The following NRG3 variants were observed in gnomAD, a reference collection of about 807,000 sequenced individuals.
The protein encoded by NRG3 is neuregulin 3.
NRG3 carries 31 observed loss-of-function variants against 66.9 expected under a neutral mutation model. The observed-to-expected ratio is 0.46, with a 90% CI of 0.35 to 0.63. The LOEUF is 0.63. Among genes scored for constraint, NRG3 ranks in the 20% least tolerant of loss-of-function variants. The pLI, the probability that NRG3 is intolerant of heterozygous loss-of-function variation, is 0.00. For synonymous variants in NRG3, 393 were observed against 359.4 expected, an observed-to-expected ratio of 1.09 and a Z score of -1.06; for missense variants, 910 against 878.9, an observed-to-expected ratio of 1.04 and a Z score of -0.45.
intron 1 of NRG3, among the ~76,000 whole-genome samples, chr10:82,217,319 AAC>A (rs2075738187): frequency 6.6e-6 from 1 of 152,152 alleles, no homozygotes; most frequent in African/African-American, 2.4e-5. Flanking sequence ...CATCGCTCTT[AAC>A]ACACTTCTTA....
rs28723648 is a variant in NRG3, at chr10:82,951,798, G to A, written c.1157+227G>A. Among the ~76,000 whole-genome samples, 799 of 152,208 alleles carry A rather than the reference G, an allele frequency of 5.2e-3. 10 individuals are homozygous for A. The highest frequency in any genetic ancestry group is 0.018 in the African/African-American group (756 of 41,534). On this transcript the variant is annotated intron_variant, in intron 5 of 8. Transcript: ENST00000372141. ...ACACATGTGTGCGCGGTTTATCTACGATGCACATAATGATCATTCCTCTCA... is the reference window on the plus strand; with the variant it reads ...ACACATGTGTGCGCGGTTTATCTACAATGCACATAATGATCATTCCTCTCA...
intron 1 of NRG3, among the ~76,000 whole-genome samples, chr10:81,903,856 C>T (rs1420238804): frequency 6.6e-6 from 1 of 152,018 alleles, no homozygotes; most frequent in East Asian, 1.9e-4. Context: ...AACACTGAGC[C>T]CTCACTCTAA....
At chr10:82,734,035 G>A (rs1311108261) in intron 2 of NRG3, among the ~76,000 whole-genome samples, 4 of 152,144 alleles carry the variant, frequency 2.6e-5, no homozygotes, top group Non-Finnish European at 5.9e-5. Context: ...CTTCCTTAGG[G>A]TCCTCCACAT....
intron 2 of NRG3, among the ~76,000 whole-genome samples, chr10:82,429,286 C>G (rs181332121): frequency 1.3e-5 from 2 of 152,140 alleles, no homozygotes; most frequent in East Asian, 3.9e-4. Context: ...TACCTATGTA[C>G]TTTAACTAGT....
chr10:82,899,886 TTAA>T (rs1844043215), intron 4 of NRG3, among the ~76,000 whole-genome samples: 1 of 152,204 alleles, frequency 6.6e-6, no homozygotes, highest in African/African-American at 2.4e-5. Flanking sequence ...GAAATTAAAG[TTAA>T]TAACTAAAGA....
At chr10:82,622,978 T>G (rs2049141372) in intron 2 of NRG3, among the ~76,000 whole-genome samples, 1 of 152,140 alleles carries the variant, frequency 6.6e-6, no homozygotes, top group Admixed American at 6.5e-5. Flanking sequence ...ATGGGTTTTT[T>G]TTTTTCAGGA....
chr10:82,215,639 ATTTGC>A (rs2075626278), intron 1 of NRG3, among the ~76,000 whole-genome samples: 1 of 151,804 alleles, frequency 6.6e-6, no homozygotes, highest in South Asian at 2.1e-4. Flanking sequence ...TGAAGCAGGC[ATTTGC>A]TTTCCAGTAT....
chr10:82,534,812 C>A (rs1053062715), intron 2 of NRG3, among the ~76,000 whole-genome samples: 3 of 151,906 alleles, frequency 2.0e-5, no homozygotes, highest in Admixed American at 2.0e-4. Context: ...TAAAAATACA[C>A]AATGGAGAAA....
intron 4 of NRG3, among the ~76,000 whole-genome samples, chr10:82,945,154 A>G (rs1424251181): frequency 6.6e-6 from 1 of 152,210 alleles, no homozygotes; most frequent in Non-Finnish European, 1.5e-5. Flanking sequence ...AATTGCCATC[A>G]GCACCAAATG....
chr10:82,136,890 C>CAGAA (rs2069403018), intron 1 of NRG3, among the ~76,000 whole-genome samples: 1 of 151,998 alleles, frequency 6.6e-6, no homozygotes, highest in Non-Finnish European at 1.5e-5. Flanking sequence ...TGTACTCTTT[C>CAGAA]AAACACATAG....
At chr10:82,545,902 C>T (rs1473289835) in intron 2 of NRG3, among the ~76,000 whole-genome samples, 1 of 151,018 alleles carries the variant, frequency 6.6e-6, no homozygotes. Flanking sequence ...ATTCTCCTGC[C>T]TCAGCCTCCA....
chr10:81,926,802 C>A (rs11191824), intron 1 of NRG3, among the ~76,000 whole-genome samples: 1 of 152,060 alleles, frequency 6.6e-6, no homozygotes, highest in African/African-American at 2.4e-5. Context: ...AGTTTTAATC[C>A]GTAGATGTAC....
chr10:82,586,139 G>A (rs776592685), intron 2 of NRG3, among the ~76,000 whole-genome samples: 2 of 151,792 alleles, frequency 1.3e-5, no homozygotes. Context: ...CACTATCTGG[G>A]TGACAGGATC....
intron 1 of NRG3, among the ~76,000 whole-genome samples, chr10:82,291,380 G>A (rs2079738142): frequency 6.6e-6 from 1 of 152,160 alleles, no homozygotes; most frequent in Non-Finnish European, 1.5e-5. Flanking sequence ...TGGTGTTCAT[G>A]TACTGGAAGT....
intron 1 of NRG3, among the ~76,000 whole-genome samples, chr10:82,316,476 G>T (rs561140884): frequency 1.3e-5 from 2 of 152,108 alleles, no homozygotes; most frequent in Non-Finnish European, 2.9e-5. Context: ...AAATTCAGTA[G>T]CTGCTGCTTT....
At chr10:82,466,403 G>T (rs1260596365) in intron 2 of NRG3, among the ~76,000 whole-genome samples, 1 of 152,146 alleles carries the variant, frequency 6.6e-6, no homozygotes. Flanking sequence ...GATGGATTAT[G>T]TTGGGTGGAA....
At chr10:82,799,643 T>C (rs1166380994) in intron 3 of NRG3, 1 of 152,184 alleles carries the variant, frequency 6.6e-6, no homozygotes, top group Non-Finnish European at 1.5e-5. Flanking sequence ...TAGCATTTGT[T>C]GACAACACTG....
At chr10:82,142,747 CCT>C (rs35695687) in intron 1 of NRG3, among the ~76,000 whole-genome samples, 24 of 142,930 alleles carry the variant, frequency 1.7e-4, no homozygotes, top group Non-Finnish European at 2.0e-4. Context: ...ATGTGAGAGT[CCT>C]CTCTCTCTCT....
chr10:82,720,847 C>T (rs1349618633), intron 2 of NRG3, among the ~76,000 whole-genome samples: 1 of 95,256 alleles, frequency 1.0e-5, no homozygotes, highest in Non-Finnish European at 1.9e-5. Context: ...ATATATCACC[C>T]ATCACTTGAT....
Sources: gnomAD v4.1 joint callset for allele counts (sites outside exome capture counted in the v4.1 genomes callset) on GRCh38, gnomAD v4.1.1 for gene constraint, MANE v1.5 for transcripts, NCBI Gene and HGNC (gene_info 2026-07-23, HGNC 2026-07-21) for gene names.